SYNPR: variants seen among roughly 807,000 people sequenced by gnomAD.
SYNPR encodes synaptoporin.
Under a neutral mutation model 32.9 loss-of-function variants are expected in SYNPR, and 23 were observed. The observed-to-expected ratio is 0.70, with a 90% CI of 0.50 to 0.99. The LOEUF is 0.99. Among genes scored for constraint, SYNPR ranks in the 50% least tolerant of loss-of-function variants. The pLI, the probability that SYNPR is intolerant of heterozygous loss-of-function variation, is 0.00. For missense variants in SYNPR, 318 were observed against 349.3 expected (o/e 0.91, Z 0.71); for synonymous variants, 146 against 135.9 (o/e 1.07, Z -0.52).
rs776548588 is a variant in SYNPR at position 63,278,698 on chromosome 3, C to A, written c.40C>A (p.Arg14=). The A allele has an allele frequency of 1.2e-4, 188 of 1,551,528 alleles. No homozygotes were observed. The highest frequency in any genetic ancestry group is 3.9e-4 in the Admixed American group (20 of 50,986). The part of the protein sequence containing the change: ...VSQLASAGTF[R]VLKEPLAFLR... ...AAAGCTGGCCTCTGCGGGCACCTTC[C>A]GGGTGCTGAAGGAGCCCCTTGCCTT... Residue 14 remains arginine, a synonymous_variant, in exon 2 of 6, where the codon CGG becomes AGG. Coordinates refer to ENST00000478300, the MANE Select transcript of SYNPR (RefSeq NM_001130003.2).
At chr3:63,581,929 G>C (rs1329905942) in intron 4 of SYNPR, among the ~76,000 whole-genome samples, 1 of 152,048 alleles carries the variant, frequency 6.6e-6, no homozygotes, top group Non-Finnish European at 1.5e-5. Context: ...ACTTTAACAG[G>C]TACCATAATT....
intron 1 of SYNPR, among the ~76,000 whole-genome samples, chr3:63,246,343 G>C (rs1239337211): frequency 6.6e-6 from 1 of 152,036 alleles, no homozygotes; most frequent in African/African-American, 2.4e-5. Context: ...GATTGTACTT[G>C]TTTGATCCAT....
chr3:63,363,508 C>A (rs1039714822), intron 2 of SYNPR, among the ~76,000 whole-genome samples: 3 of 152,170 alleles, frequency 2.0e-5, no homozygotes, highest in Non-Finnish European at 4.4e-5. Flanking sequence ...CAGTTTAGAA[C>A]AAGAGGAAAT....
intron 2 of SYNPR, among the ~76,000 whole-genome samples, chr3:63,437,721 G>A (rs1028081676): frequency 2.6e-5 from 4 of 152,070 alleles, no homozygotes; most frequent in Non-Finnish European, 4.4e-5. Flanking sequence ...AGTATGGAGA[G>A]GGCCACTTCA....
chr3:63,393,301 G>A (rs7641722), intron 2 of SYNPR, among the ~76,000 whole-genome samples: 35,004 of 151,766 alleles, frequency 0.23, 5,140 homozygotes, highest in East Asian at 0.54. Context: ...TGTATGTGAG[G>A]GTTATTCTAG....
At chr3:63,315,796 T>G (rs1202521181) in intron 2 of SYNPR, among the ~76,000 whole-genome samples, 1 of 151,866 alleles carries the variant, frequency 6.6e-6, no homozygotes, top group African/African-American at 2.4e-5. Flanking sequence ...GTGGTGAGAG[T>G]GGGCATCCTT....
At chr3:63,609,584 T>C (rs1428598419) in intron 5 of SYNPR, among the ~76,000 whole-genome samples, 1 of 152,104 alleles carries the variant, frequency 6.6e-6, no homozygotes, top group African/African-American at 2.4e-5. Context: ...GACAGTCCAG[T>C]TGAAACTCTA....
intron 2 of SYNPR, among the ~76,000 whole-genome samples, chr3:63,328,819 T>C (rs2087193333): frequency 6.6e-6 from 1 of 152,170 alleles, no homozygotes; most frequent in Non-Finnish European, 1.5e-5. Context: ...AGTATTACAG[T>C]GGTGGCTTTA....
chr3:63,406,480 T>G lies in SYNPR; in HGVS notation c.85-74352T>G, dbSNP rs2088361735. Among the ~76,000 whole-genome samples, 2 of 152,066 alleles carry G rather than the reference T, an allele frequency of 1.3e-5. 1 individual carries two copies. The highest frequency in any genetic ancestry group is 4.1e-4 in the South Asian group (2 of 4,820). On this transcript the variant is annotated intron_variant, in intron 2 of 5. Transcript: ENST00000478300. The stretch of plus-strand genomic sequence containing the variant: ...GTAGGTGATGTGATTCCATTTTTTT[T>G]TTTTTAAATTAAGAACCTAGACTGA...
chr3:63,313,972 TCC>T (rs1425636862), intron 2 of SYNPR, among the ~76,000 whole-genome samples: 1 of 20,944 alleles, frequency 4.8e-5, no homozygotes, highest in Non-Finnish European at 8.4e-5. Flanking sequence ...TATATATATA[TCC>T]ATATATATAT....
chr3:63,353,964 A>C (rs2087542852), intron 2 of SYNPR, among the ~76,000 whole-genome samples: 1 of 152,170 alleles, frequency 6.6e-6, no homozygotes, highest in Non-Finnish European at 1.5e-5. Context: ...GTATGTATGA[A>C]AGGGAGAAAC....
At chr3:63,224,735 TGAG>T (rs892176667), upstream of SYNPR, among the ~76,000 whole-genome samples, 2 of 152,130 alleles carry the variant, frequency 1.3e-5, no homozygotes, top group Non-Finnish European at 2.9e-5. Flanking sequence ...CTGGAGAAAT[TGAG>T]GAGAGAAGGA....
chr3:63,400,948 AG>A (rs2088282188), intron 2 of SYNPR, among the ~76,000 whole-genome samples: 1 of 152,162 alleles, frequency 6.6e-6, no homozygotes, highest in South Asian at 2.1e-4. Flanking sequence ...AAATCCTCTG[AG>A]GGTGTCCAGA....
At chr3:63,277,968 CATT>C (rs937954366), upstream of SYNPR, among the ~76,000 whole-genome samples, 2 of 152,080 alleles carry the variant, frequency 1.3e-5, no homozygotes, top group African/African-American at 4.8e-5. Flanking sequence ...ATGTATTTAT[CATT>C]ATTATTATTT....
chr3:63,498,977 A>T (rs556806120), intron 3 of SYNPR, among the ~76,000 whole-genome samples: 1 of 147,926 alleles, frequency 6.8e-6, no homozygotes, highest in African/African-American at 2.6e-5. Context: ...TAAAAAATTA[A>T]AAAAAAAAAA....
rs189697147 is a variant in SYNPR at position 63,603,341 on chromosome 3, C to A, written c.409-5784C>A. Among the ~76,000 whole-genome samples the A allele has an allele frequency of 1.1e-4, 17 of 152,312 alleles. No homozygotes were observed. The East Asian group carries it at 3.1e-3, about 28-fold the overall frequency. On this transcript the variant is annotated intron_variant, in intron 4 of 5. Transcript: ENST00000478300. ...CTATTTGGATGCCTTTCATTTCTTT[C>A]TCTTGCCTGATTGCTCCGGCTAGGA... is the stretch of plus-strand genomic sequence containing the variant.
At chr3:63,499,946 G>A (rs1701447580) in intron 3 of SYNPR, among the ~76,000 whole-genome samples, 1 of 151,798 alleles carries the variant, frequency 6.6e-6, no homozygotes, top group Non-Finnish European at 1.5e-5. Context: ...AAGTCAAAAT[G>A]GAAGGCTAAA....
At chr3:63,273,692 A>G (rs576860851), upstream of SYNPR, among the ~76,000 whole-genome samples, 49 of 152,320 alleles carry the variant, frequency 3.2e-4, 1 homozygote, top group Admixed American at 9.2e-4. Context: ...ATGAATTTTT[A>G]TATCAGTTGT....
upstream of SYNPR, among the ~76,000 whole-genome samples, chr3:63,226,941 A>G (rs2086133099): frequency 6.6e-6 from 1 of 152,350 alleles, no homozygotes; most frequent in African/African-American, 2.4e-5. Flanking sequence ...TGATCATCAC[A>G]CATCCTATGC....
Sources: allele counts gnomAD v4.1 joint callset (sites outside exome capture counted in the v4.1 genomes callset), GRCh38; gene constraint gnomAD v4.1.1; transcripts MANE v1.5; gene names NCBI Gene and HGNC (gene_info 2026-07-23, HGNC 2026-07-21).